Variants in SNTG1 observed in about 807,000 individuals in gnomAD.
The protein encoded by SNTG1 is syntrophin gamma 1.
Under a neutral mutation model 74.7 loss-of-function variants are expected in SNTG1, and 39 were observed. The ratio of observed to expected loss-of-function variants is 0.52; its 90% confidence interval spans 0.40 to 0.68. The LOEUF (loss-of-function observed/expected upper bound fraction) is 0.68, where lower values mean the gene tolerates loss of function less well. Among genes scored for constraint, SNTG1 ranks in the 30% least tolerant of loss-of-function variants. The pLI, the probability that SNTG1 is intolerant of heterozygous loss-of-function variation, is 0.00. For synonymous variants in SNTG1, 254 were observed against 217.1 expected (o/e 1.17, Z -1.49); for missense variants, 685 against 609.5 (o/e 1.12, Z -1.30).
intron 1 of SNTG1, among the ~76,000 whole-genome samples, chr8:50,064,463 C>G (rs1012759039): frequency 1.6e-4 from 24 of 152,196 alleles, no homozygotes; most frequent in African/African-American, 5.5e-4. Context: ...TCCTAATGAA[C>G]TTTCCCGTTT....
chr8:50,426,113 A>G (rs368423428), intron 4 of SNTG1, among the ~76,000 whole-genome samples: 3 of 152,320 alleles, frequency 2.0e-5, no homozygotes, highest in East Asian at 3.9e-4. Context: ...GGTTACAGTG[A>G]ATGAATACAT....
chr8:50,446,515 A>G (rs959272441), intron 5 of SNTG1, among the ~76,000 whole-genome samples: 4 of 151,982 alleles, frequency 2.6e-5, no homozygotes, highest in Non-Finnish European at 5.9e-5. Flanking sequence ...TCCCATCTCT[A>G]CAAAAATACC....
chr8:50,076,178 C>T (rs1821867128), intron 1 of SNTG1, among the ~76,000 whole-genome samples: 1 of 152,132 alleles, frequency 6.6e-6, no homozygotes, highest in Admixed American at 6.5e-5. Context: ...AAAAGGTTGG[C>T]ATTGATGTGA....
At chr8:50,240,776 A>G (rs1339770501) in intron 2 of SNTG1, among the ~76,000 whole-genome samples, 1 of 152,214 alleles carries the variant, frequency 6.6e-6, no homozygotes, top group Non-Finnish European at 1.5e-5. Flanking sequence ...AAATAAGTTT[A>G]TATAAACTAA....
intron 1 of SNTG1, among the ~76,000 whole-genome samples, chr8:49,992,997 G>A (rs318867): frequency 0.78 from 118,757 of 152,108 alleles, 46,504 homozygotes; most frequent in East Asian, 0.83. Flanking sequence ...CTGCAGAAAT[G>A]TGTAATTAAT....
intron 4 of SNTG1, among the ~76,000 whole-genome samples, chr8:50,420,659 T>C (rs1220489165): frequency 6.6e-6 from 1 of 152,034 alleles, no homozygotes; most frequent in Non-Finnish European, 1.5e-5. Context: ...AGGGTGATGG[T>C]TCAAGCCAAA....
chr8:50,234,261 A>T lies in SNTG1; in HGVS notation c.-28+61626A>T, dbSNP rs531230118. On this transcript the variant is annotated intron_variant, in intron 2 of 18. Transcript: ENST00000642720. ...ATGATATATACCAAAGCTTGAACTG[A>T]TATGAAGAACATTACACTGAAGGAA... 4.6e-5 allele frequency among the ~76,000 whole-genome samples: 7 copies of T among 152,116 alleles called. 1 individual carries two copies. Among genetic ancestry groups the T allele is most frequent in the African/African-American group, 1.4e-4 (6 of 41,560 alleles).
At chr8:50,050,671 A>C (rs1819493016) in intron 1 of SNTG1, among the ~76,000 whole-genome samples, 1 of 152,086 alleles carries the variant, frequency 6.6e-6, no homozygotes, top group Admixed American at 6.6e-5. Flanking sequence ...GAGGGAGCAC[A>C]TAAAAACTCA....
intron 13 of SNTG1, among the ~76,000 whole-genome samples, chr8:50,628,980 C>T (rs1258116256): frequency 6.6e-6 from 1 of 152,088 alleles, no homozygotes. Context: ...CACAGAAAGA[C>T]AAGTACTACA....
At chr8:50,600,531 C>T (rs2094764996) in intron 13 of SNTG1, among the ~76,000 whole-genome samples, 1 of 151,986 alleles carries the variant, frequency 6.6e-6, no homozygotes, top group East Asian at 1.9e-4. Flanking sequence ...TTGTATATGT[C>T]TACGAATTTA....
intron 2 of SNTG1, among the ~76,000 whole-genome samples, chr8:50,263,793 G>A (rs867425523): frequency 5.3e-5 from 8 of 152,248 alleles, no homozygotes; most frequent in Middle Eastern, 6.8e-3. Flanking sequence ...AGCAGAAAAA[G>A]CACAATAATG....
chr8:50,151,565 C>T (rs2082071344), intron 1 of SNTG1, among the ~76,000 whole-genome samples: 1 of 152,174 alleles, frequency 6.6e-6, no homozygotes, highest in Non-Finnish European at 1.5e-5. Flanking sequence ...AAATTTCCCT[C>T]TACATACTGG....
intron 2 of SNTG1, among the ~76,000 whole-genome samples, chr8:50,354,267 C>A (rs1265786699): frequency 2.6e-5 from 4 of 152,304 alleles, no homozygotes; most frequent in African/African-American, 9.6e-5. Flanking sequence ...AGTCACAGAT[C>A]TACCTTTTTA....
At chr8:50,247,209 T>C (rs2086440635) in intron 2 of SNTG1, among the ~76,000 whole-genome samples, 1 of 152,210 alleles carries the variant, frequency 6.6e-6, no homozygotes, top group African/African-American at 2.4e-5. Flanking sequence ...ATCATGAACA[T>C]TGTCTCATCC....
intron 17 of SNTG1, among the ~76,000 whole-genome samples, chr8:50,717,618 T>A (rs926126800): frequency 2.6e-5 from 4 of 152,232 alleles, no homozygotes; most frequent in Non-Finnish European, 5.9e-5. Context: ...TCATGCTTTT[T>A]CTTTCTGTTT....
At chr8:50,730,897 G>A (rs996198840) in intron 17 of SNTG1, among the ~76,000 whole-genome samples, 2 of 152,018 alleles carry the variant, frequency 1.3e-5, no homozygotes, top group African/African-American at 4.8e-5. Flanking sequence ...AAATAATAGA[G>A]GAAAAAACTT....
Position 50,047,836 on chromosome 8 carries a change from G to A in SNTG1, c.-102-124725G>A, listed in dbSNP as rs142340622. ...TAGATGAAGATGCGCCAAAGAATCT[G>A]TATTTTACCAAGTTGCTAAGATGAT... is the stretch of plus-strand genomic sequence containing the variant. On this transcript the variant is annotated intron_variant, in intron 1 of 18. Transcript: ENST00000642720. Among the ~76,000 whole-genome samples, 703 of 152,216 alleles carry A rather than the reference G, an allele frequency of 4.6e-3. 5 individuals carry two copies. The highest frequency in any genetic ancestry group is 0.016 in the African/African-American group (661 of 41,540).
chr8:50,238,094 T>G (rs2085998242), intron 2 of SNTG1, among the ~76,000 whole-genome samples: 1 of 152,136 alleles, frequency 6.6e-6, no homozygotes, highest in African/African-American at 2.4e-5. Context: ...GATTCAATGC[T>G]ATTCCTATCA....
chr8:50,616,977 T>C (rs769083709), intron 13 of SNTG1, among the ~76,000 whole-genome samples: 1 of 152,220 alleles, frequency 6.6e-6, no homozygotes, highest in East Asian at 1.9e-4. Context: ...CCTCAGCTCA[T>C]AAAGCTTTTC....
Sources: gnomAD v4.1 joint callset for allele counts (sites outside exome capture counted in the v4.1 genomes callset) on GRCh38, gnomAD v4.1.1 for gene constraint, MANE v1.5 for transcripts, NCBI Gene and HGNC (gene_info 2026-07-23, HGNC 2026-07-21) for gene names.